DOCK1: variants seen among roughly 807,000 people sequenced by gnomAD.
DOCK1 encodes the protein dedicator of cytokinesis 1, also known as dedicator of cytokinesis protein 1.
Under a neutral mutation model 262.7 loss-of-function variants are expected in DOCK1, and 138 were observed. The ratio of observed to expected loss-of-function variants is 0.53; its 90% confidence interval spans 0.46 to 0.61. The LOEUF is 0.61. Ranked by LOEUF, DOCK1 falls within the 20% of genes least tolerant of loss-of-function variation. The probability of loss-of-function intolerance (pLI) is 0.00; values close to 1 mark genes in which losing one functional copy is unlikely to be tolerated. For synonymous variants in DOCK1, 866 were observed against 867.4 expected (o/e 1.00, Z 0.03); for missense variants, 1,908 against 2,370.7 (o/e 0.80, Z 4.05).
intron 27 of DOCK1, among the ~76,000 whole-genome samples, chr10:127,221,309 A>T (rs12146152): frequency 0.074 from 11,223 of 152,312 alleles, 543 homozygotes; most frequent in Non-Finnish European, 0.11. Context: ...CAGAAAATGC[A>T]TTATGGGTGT....
intron 16 of DOCK1, among the ~76,000 whole-genome samples, chr10:127,027,959 T>C (rs1323175432): frequency 6.6e-6 from 1 of 151,610 alleles, no homozygotes; most frequent in Non-Finnish European, 1.5e-5. Flanking sequence ...GGCCCATGAC[T>C]GTCAATGGCA....
intron 30 of DOCK1, among the ~76,000 whole-genome samples, chr10:127,342,033 A>G (rs958082492): frequency 1.9e-4 from 29 of 152,326 alleles, no homozygotes; most frequent in African/African-American, 6.3e-4. Flanking sequence ...TGAAGCTGTC[A>G]TTTAAAAAGA....
chr10:127,343,691 G>A lies in DOCK1; in HGVS notation c.3169G>A (p.Glu1057Lys). The A allele has an allele frequency of 2.5e-6, 4 of 1,611,724 alleles. No individual in the cohort carries two copies. Among genetic ancestry groups the A allele is most frequent in the Non-Finnish European group, 3.4e-6 (4 of 1,179,110 alleles). Residue 1057 changes from glutamate (E) to lysine (K), a missense_variant, in exon 31 of 52, where the codon GAG becomes AAG. By Grantham distance (56) the Glu-to-Lys change is moderately conservative. Around this residue, in one of 9 missense-constraint regions of DOCK1, gnomAD observed 518 missense variants for 575.1 expected, o/e 0.90. Transcript: ENST00000623213. ...CCTGGCTGTTGCTTTCCTTACTCAAGAGTCCCTGCAACTGGAGAATTTTTC... is the reference window on the plus strand; with the variant it reads ...CCTGGCTGTTGCTTTCCTTACTCAAAAGTCCCTGCAACTGGAGAATTTTTC... ...FHLAVAFLTQ[E>K]SLQLENFSSA...
chr10:127,151,314 C>G (rs536460749), intron 27 of DOCK1, among the ~76,000 whole-genome samples: 117 of 152,176 alleles, frequency 7.7e-4, no homozygotes, highest in African/African-American at 2.7e-3. Flanking sequence ...ATTGACAGGA[C>G]TCAATGAAAT....
intron 29 of DOCK1, among the ~76,000 whole-genome samples, chr10:127,327,898 T>G (rs1425050676): frequency 6.6e-6 from 1 of 152,126 alleles, no homozygotes; most frequent in African/African-American, 2.4e-5. Flanking sequence ...ATAGATCACT[T>G]ATGACCTTGA....
intron 13 of DOCK1, among the ~76,000 whole-genome samples, chr10:127,021,275 C>T (rs760184036): frequency 2.6e-5 from 4 of 152,150 alleles, no homozygotes; most frequent in Admixed American, 6.5e-5. Context: ...AAGCAGTTCT[C>T]CTGCCTGAGC....
At chr10:127,415,938 C>G (rs1002605204) in intron 44 of DOCK1, among the ~76,000 whole-genome samples, 10 of 152,234 alleles carry the variant, frequency 6.6e-5, no homozygotes, top group Non-Finnish European at 1.2e-4. Flanking sequence ...TCATGTGTCT[C>G]AGTGCCTTTT....
intron 18 of DOCK1, among the ~76,000 whole-genome samples, chr10:127,033,847 T>G (rs896763356): frequency 6.6e-6 from 1 of 152,222 alleles, no homozygotes; most frequent in Admixed American, 6.5e-5. Flanking sequence ...CACTTTGCAC[T>G]CTGTTGTTCT....
chr10:127,037,714 T>A lies in DOCK1; in HGVS notation c.1913-5T>A. ...GAAGATCTGATTGTCATTTTCTGTT[T>A]CCAGTGGACCTTCTGGGGCTCTTGA... is the stretch of plus-strand genomic sequence containing the variant. On this transcript the variant is annotated splice_polypyrimidine_tract_variant and splice_region_variant and intron_variant, in intron 18 of 51. Coordinates refer to ENST00000623213, the MANE Select transcript of DOCK1 (RefSeq NM_001290223.2). The A allele has an allele frequency of 6.3e-7, 1 of 1,578,862 alleles. No individual in the cohort carries two copies. Among genetic ancestry groups the A allele is most frequent in the Non-Finnish European group, 8.6e-7 (1 of 1,162,250 alleles).
At chr10:127,380,870 A>G (rs1240579131) in intron 36 of DOCK1, among the ~76,000 whole-genome samples, 2 of 152,132 alleles carry the variant, frequency 1.3e-5, no homozygotes, top group African/African-American at 4.8e-5. Flanking sequence ...AGTTACCTTT[A>G]TTTCTTTATG....
intron 37 of DOCK1, 127 bp downstream of exon 37, chr10:127,381,495 A>C: frequency 1.4e-6 from 1 of 727,410 alleles, no homozygotes; most frequent in Middle Eastern, 3.1e-4. Flanking sequence ...TTGACTAAAT[A>C]AATGCAAGGA....
At chr10:127,431,653 C>T (rs533019095) in intron 47 of DOCK1, among the ~76,000 whole-genome samples, 1 of 152,346 alleles carries the variant, frequency 6.6e-6, no homozygotes, top group East Asian at 1.9e-4. Flanking sequence ...GCACGTCACT[C>T]AGAGCCAGTG....
chr10:127,379,686 T>C (rs1323503265), intron 35 of DOCK1, among the ~76,000 whole-genome samples: 2 of 152,248 alleles, frequency 1.3e-5, no homozygotes, highest in African/African-American at 4.8e-5. Context: ...TTAAATCATG[T>C]TGATGATGCT....
chr10:127,043,435 G>A (rs1195607059), intron 21 of DOCK1, among the ~76,000 whole-genome samples: 3 of 152,140 alleles, frequency 2.0e-5, no homozygotes, highest in Admixed American at 1.3e-4. Context: ...CTTTATGTTC[G>A]ATGAAACTGA....
chr10:127,010,233 G>A (rs561928827), intron 11 of DOCK1, among the ~76,000 whole-genome samples: 2 of 152,286 alleles, frequency 1.3e-5, no homozygotes, highest in Non-Finnish European at 2.9e-5. Flanking sequence ...TTGGGAGGCC[G>A]AGGCAGGAGG....
At position 127,450,457 on chromosome 10, in the gene DOCK1, CATTT is replaced by C. The variant is rs1430700627; in HGVS notation, c.5566-874_5566-871del. 1.2e-4 allele frequency among the ~76,000 whole-genome samples: 18 copies of C among 152,230 alleles called. No individual in the cohort carries two copies. In the South Asian group the frequency reaches 1.2e-3, roughly 10 times the overall value. ...ACCCTGGTCTGTTCACTTCTTCATT[CATTT>C]GTTTACTTACCTGTTCATTTCTTCA... On this transcript the variant is annotated intron_variant, in intron 51 of 51. Transcript: ENST00000623213.
intron 51 of DOCK1, among the ~76,000 whole-genome samples, chr10:127,449,729 C>T (rs549048823): frequency 1.3e-5 from 2 of 152,248 alleles, no homozygotes; most frequent in Admixed American, 6.5e-5. Context: ...TAATGATCAT[C>T]CATCTGCCAT....
In DOCK1 at chr10:127,374,978, G is replaced by A. The variant is rs185967390; in HGVS notation, c.3675+764G>A. On this transcript the variant is annotated intron_variant, in intron 35 of 51. Coordinates refer to ENST00000623213, the MANE Select transcript of DOCK1 (RefSeq NM_001290223.2). ...TTTAGGTTTATGGTAATTTGTTACAGCAGCCACAGGAAACCAGATCTGGGC... is the reference window on the plus strand; with the variant it reads ...TTTAGGTTTATGGTAATTTGTTACAACAGCCACAGGAAACCAGATCTGGGC... Among the ~76,000 whole-genome samples the A allele has an allele frequency of 1.9e-3, 283 of 152,392 alleles. 1 individual carries two copies. The highest frequency in any genetic ancestry group is 6.5e-3 in the African/African-American group (271 of 41,598).
chr10:127,000,310 A>C lies in DOCK1; in HGVS notation c.985+3A>C. 1 of 1,613,516 alleles carries C rather than the reference A, an allele frequency of 6.2e-7. No individual in the cohort carries two copies. Among genetic ancestry groups the C allele is most frequent in the Non-Finnish European group, 8.5e-7 (1 of 1,179,598 alleles). On this transcript the variant is annotated splice_donor_region_variant and intron_variant, in intron 10 of 51. Transcript: ENST00000623213. ...GCGGCGACCTTTTGGAGTGGCTGGT[A>C]ATCTATTTCTCTGTGTTTCCTTGAG...
Sources: gnomAD v4.1 joint callset for allele counts (sites outside exome capture counted in the v4.1 genomes callset) on GRCh38, gnomAD v4.1.1 for gene constraint, gnomAD v4.1.1 regional missense constraint, MANE v1.5 for transcripts, NCBI Gene and HGNC (gene_info 2026-07-23, HGNC 2026-07-21) for gene names.